FAT3: variants seen among roughly 807,000 people sequenced by gnomAD.
The protein encoded by FAT3 is protocadherin Fat 3.
A neutral mutation model predicts 310.2 loss-of-function variants in FAT3; 95 were observed. The ratio of observed to expected loss-of-function variants is 0.31; its 90% CI spans 0.26 to 0.36. The LOEUF (loss-of-function observed/expected upper bound fraction) is 0.36, where lower values mean the gene tolerates loss of function less well. FAT3 is among the 10% of genes least tolerant of loss of function. The probability of loss-of-function intolerance (pLI) is 1.00; values close to 1 mark genes in which losing one functional copy is unlikely to be tolerated. For missense variants in FAT3, 5,408 were observed against 5,715.6 expected (o/e 0.95, Z 1.74); for synonymous variants, 2,314 against 2,192.9 (o/e 1.06, Z -1.54).
chr11:92,799,486 T>C lies in FAT3; in HGVS notation c.6473T>C (p.Ile2158Thr). 6.2e-7 allele frequency: 1 copy of C among 1,613,688 alleles called. No homozygotes were observed. Among genetic ancestry groups the C allele is most frequent in the Non-Finnish European group, 8.5e-7 (1 of 1,179,782 alleles). The change falls in exon 10 of 28, where the codon ATC (isoleucine) becomes ACC (threonine). Residue 2158 changes from isoleucine (I) to threonine (T), a missense_variant. Coordinates refer to ENST00000525166, the MANE Select transcript of FAT3 (RefSeq NM_001367949.2). ...TCCAACATTGAGTATGGAGTCACCA[T>C]CCTAGCCAAGGATGGCGGAAAACCT... is the stretch of plus-strand genomic sequence containing the variant. Reference protein sequence around the residue: ...DLSNIEYGVTILAKDGGKPSL... With the variant: ...DLSNIEYGVTTLAKDGGKPSL...
At chr11:92,625,088 G>T (rs2135681244) in intron 3 of FAT3, among the ~76,000 whole-genome samples, 1 of 152,270 alleles carries the variant, frequency 6.6e-6, no homozygotes, top group Admixed American at 6.5e-5. Context: ...ACCCATCATG[G>T]TGGGTGTAGG....
chr11:92,383,406 GT>G (rs1260645828), intron 2 of FAT3, among the ~76,000 whole-genome samples: 1 of 152,196 alleles, frequency 6.6e-6, no homozygotes, highest in Non-Finnish European at 1.5e-5. Context: ...TCTAATGTAG[GT>G]GATGTGCAGA....
At chr11:92,786,597 C>T (rs1005938966) in intron 7 of FAT3, among the ~76,000 whole-genome samples, 1 of 152,012 alleles carries the variant, frequency 6.6e-6, no homozygotes, top group Non-Finnish European at 1.5e-5. Flanking sequence ...AGAAGTCTTA[C>T]TACATATTAT....
Position 92,840,732 on chromosome 11 carries a change from GTC to G in FAT3, c.10543_10544del (p.Leu3515GlyfsTer28). 6.2e-7 allele frequency: 1 copy of G among 1,601,390 alleles called. No homozygotes were observed. The highest frequency in any genetic ancestry group is 8.6e-7 in the Non-Finnish European group (1 of 1,169,524). ...RSAVVFQHTE[S>X]LEYVLCVQAK... ...CGGCTGTGGTCTTCCAGCACACAGA[GTC>G]TCTGGAATACGTGTTGTGTGTCCAG... is the stretch of plus-strand genomic sequence containing the variant. On this transcript the variant is annotated frameshift_variant, in exon 18 of 28. Transcript: ENST00000525166. LOFTEE classifies it high-confidence loss of function.
chr11:92,356,258 C>T (rs1948728215), intron 2 of FAT3, among the ~76,000 whole-genome samples: 1 of 152,040 alleles, frequency 6.6e-6, no homozygotes, highest in Non-Finnish European at 1.5e-5. Context: ...GTGCATTTTT[C>T]TAGATTTTAG....
rs1365181898 is a variant in FAT3 at position 92,809,911 on chromosome 11, A to G, written c.9316A>G (p.Thr3106Ala). Residue 3106 changes from threonine (T) to alanine (A), a missense_variant, in exon 13 of 28, where the codon ACT becomes GCT. Physicochemically the swap from Thr to Ala is moderately conservative, Grantham distance 58 (BLOSUM62 0). Around this residue, in one of 5 missense-constraint regions of FAT3, gnomAD observed 4,588 missense variants for 4,809.8 expected, o/e 0.95. Coordinates refer to ENST00000525166, the MANE Select transcript of FAT3 (RefSeq NM_001367949.2). ...CGTGTACAGCCTGATGGCCAAGGCC[A>G]CTGACGGGGGTGGCAGGTTCTGCCA... ...IPVYSLMAKA[T>A]DGGGRFCQSN... is the part of the protein sequence containing the mutation. The G allele has an allele frequency of 5.0e-6, 8 of 1,613,916 alleles. No homozygotes were observed. The highest frequency in any genetic ancestry group is 6.8e-6 in the Non-Finnish European group (8 of 1,179,890).
intron 2 of FAT3, among the ~76,000 whole-genome samples, chr11:92,402,243 G>A (rs1340510441): frequency 1.3e-5 from 2 of 152,076 alleles, no homozygotes; most frequent in Admixed American, 6.6e-5. Context: ...ACAACCACGG[G>A]AAAAAATATT....
At position 92,799,657 on chromosome 11, in the gene FAT3, G is replaced by A; in HGVS notation, c.6644G>A (p.Gly2215Asp). Residue 2215 changes from glycine (G) to aspartate (D), a missense_variant, in exon 10 of 28, where the codon GGC becomes GAC. Transcript: ENST00000525166. ...AGCATCAATGCCACCAGTCCAGAAG[G>A]CCAAGGCATCATATATATCATTATC... Reference protein sequence around the residue: ...ILSINATSPEGQGIIYIIIDG... With the variant: ...ILSINATSPEDQGIIYIIIDG... 3 of 1,613,664 alleles carry A rather than the reference G, an allele frequency of 1.9e-6. No homozygotes were observed. The highest frequency in any genetic ancestry group is 1.7e-6 in the Non-Finnish European group (2 of 1,179,780).
intron 1 of FAT3, among the ~76,000 whole-genome samples, chr11:92,338,286 CA>C (rs200990370): frequency 0.023 from 3,553 of 152,240 alleles, 65 homozygotes; most frequent in South Asian, 0.036. Flanking sequence ...AACATATACT[CA>C]GGGGTGGCCT....
chr11:92,306,208 T>G (rs1258990709), intron 1 of FAT3, among the ~76,000 whole-genome samples: 3 of 151,930 alleles, frequency 2.0e-5, no homozygotes, highest in Admixed American at 2.0e-4. Context: ...AGATTTCCCT[T>G]TGCTGGTATC....
Position 92,331,056 on chromosome 11 carries a change from A to G in FAT3, c.-17-21040A>G, listed in dbSNP as rs1947912068. Reference sequence around the variant, plus strand: ...AGCTTTTCAGATGTTATTTAATGCTATACACAGTTGTTTAAATGTTAAGAA... The same window carrying G: ...AGCTTTTCAGATGTTATTTAATGCTGTACACAGTTGTTTAAATGTTAAGAA... On this transcript the variant is annotated intron_variant, in intron 1 of 27. Coordinates refer to ENST00000525166, the MANE Select transcript of FAT3 (RefSeq NM_001367949.2). Among the ~76,000 whole-genome samples the G allele has an allele frequency of 2.0e-5, 3 of 151,884 alleles. No homozygotes were observed. The East Asian group carries it at 5.8e-4, about 29-fold the overall frequency.
At chr11:92,322,315 TA>T (rs960208481) in intron 1 of FAT3, among the ~76,000 whole-genome samples, 37 of 151,312 alleles carry the variant, frequency 2.4e-4, no homozygotes, top group South Asian at 6.3e-4. Flanking sequence ...ACTTTATTGC[TA>T]AAAAAAAATG....
intron 14 of FAT3, among the ~76,000 whole-genome samples, chr11:92,833,007 G>C (rs1319777728): frequency 6.6e-6 from 1 of 152,172 alleles, no homozygotes; most frequent in African/African-American, 2.4e-5. Flanking sequence ...GAAATAAAAA[G>C]GTGCTTCGAA....
chr11:92,705,012 G>A (rs925397311), intron 4 of FAT3, among the ~76,000 whole-genome samples: 1 of 152,108 alleles, frequency 6.6e-6, no homozygotes, highest in Admixed American at 6.5e-5. Flanking sequence ...TCCACAGAAG[G>A]CCCTCTTGTG....
At chr11:92,468,231 T>C (rs936278263) in intron 2 of FAT3, among the ~76,000 whole-genome samples, 1 of 152,150 alleles carries the variant, frequency 6.6e-6, no homozygotes, top group Non-Finnish European at 1.5e-5. Context: ...AGCCCTGTAA[T>C]AACAGAAAAA....
intron 2 of FAT3, among the ~76,000 whole-genome samples, chr11:92,434,310 A>T (rs1950877116): frequency 6.6e-6 from 1 of 152,168 alleles, no homozygotes; most frequent in South Asian, 2.1e-4. Context: ...ACAGCTGTTT[A>T]CATCATTTCT....
rs1250948771 is a variant in FAT3 at position 92,867,073 on chromosome 11, G to A, written c.11991G>A (p.Pro3997=). ...TGATACTGAATAACAATGAGCTGCCGCTGCAGAACAAGCGCAGCAGCTTCG... is the reference window on the plus strand; with the variant it reads ...TGATACTGAATAACAATGAGCTGCCACTGCAGAACAAGCGCAGCAGCTTCG... The part of the protein sequence containing the change: ...DSVILNNNEL[P]LQNKRSSFAE... The change falls in exon 22 of 28, where the codon CCG becomes CCA. Residue 3997 remains proline (P), a synonymous_variant. Transcript: ENST00000525166. 4 of 1,591,912 alleles carry A rather than the reference G, an allele frequency of 2.5e-6. No homozygotes were observed. The highest frequency in any genetic ancestry group is 3.4e-6 in the Non-Finnish European group (4 of 1,169,504).
intron 3 of FAT3, among the ~76,000 whole-genome samples, chr11:92,657,518 C>T (rs1028559759): frequency 3.3e-5 from 5 of 152,128 alleles, no homozygotes; most frequent in Admixed American, 6.5e-5. Context: ...TGAGTGCCTT[C>T]GATGGGCACT....
At chr11:92,740,481 T>C (rs935816073) in intron 4 of FAT3, among the ~76,000 whole-genome samples, 17 of 152,228 alleles carry the variant, frequency 1.1e-4, no homozygotes, top group African/African-American at 4.1e-4. Context: ...CTTAGCTGTC[T>C]GCCTCCCCTG....
Sources: gnomAD v4.1 joint callset for allele counts (sites outside exome capture counted in the v4.1 genomes callset) on GRCh38, gnomAD v4.1.1 for gene constraint, gnomAD v4.1.1 regional missense constraint, MANE v1.5 for transcripts, NCBI Gene and HGNC (gene_info 2026-07-23, HGNC 2026-07-21) for gene names.